Variants in ROBO2 observed in about 807,000 individuals in gnomAD.
The protein encoded by ROBO2 is roundabout homolog 2.
ROBO2 carries 53 observed loss-of-function variants against 160.8 expected under a neutral mutation model. That is an observed-to-expected ratio of 0.33 (90% CI 0.26 to 0.41). ROBO2 has a LOEUF of 0.41. Among genes scored for constraint, ROBO2 ranks in the 10% least tolerant of loss-of-function variants. The pLI is 1.00. For synonymous variants in ROBO2, 664 were observed against 611.7 expected (o/e 1.09, Z -1.26); for missense variants, 1,577 against 1,722.4 (o/e 0.92, Z 1.49).
chr3:76,981,287 C>A (rs1354828472), intron 2 of ROBO2, among the ~76,000 whole-genome samples: 2 of 152,090 alleles, frequency 1.3e-5, no homozygotes, highest in African/African-American at 2.4e-5. Flanking sequence ...GTGGCTATAC[C>A]ATTTCACATA....
chr3:77,190,459 C>T (rs553358672), intron 2 of ROBO2, among the ~76,000 whole-genome samples: 1 of 152,060 alleles, frequency 6.6e-6, no homozygotes, highest in Non-Finnish European at 1.5e-5. Context: ...CTGAATGCCT[C>T]CTTTTAGCGT....
intron 2 of ROBO2, among the ~76,000 whole-genome samples, chr3:77,295,160 CG>C (rs1350381950): frequency 6.9e-6 from 1 of 145,356 alleles, no homozygotes; most frequent in African/African-American, 2.6e-5. Flanking sequence ...GACGGTTAAA[CG>C]GGTAAGCTGA....
At chr3:76,376,107 T>C (rs747705231) in intron 2 of ROBO2, among the ~76,000 whole-genome samples, 8 of 152,156 alleles carry the variant, frequency 5.3e-5, no homozygotes, top group Non-Finnish European at 1.2e-4. Flanking sequence ...ATTTGTTGAA[T>C]GCTTTTCTAT....
chr3:76,206,591 A>G (rs1046860069), intron 2 of ROBO2, among the ~76,000 whole-genome samples: 2 of 152,024 alleles, frequency 1.3e-5, no homozygotes, highest in African/African-American at 4.8e-5. Context: ...TCCAACGTGC[A>G]TATAGACACT....
At chr3:76,071,244 CA>C (rs1162031360) in intron 2 of ROBO2, among the ~76,000 whole-genome samples, 4 of 152,230 alleles carry the variant, frequency 2.6e-5, no homozygotes, top group South Asian at 2.1e-4. Context: ...TCCTCTTTGT[CA>C]AAACTGTTCT....
intron 2 of ROBO2, among the ~76,000 whole-genome samples, chr3:76,886,090 C>G (rs56268504): frequency 0.051 from 7,826 of 152,190 alleles, 278 homozygotes; most frequent in South Asian, 0.15. Context: ...GCGCTTGATG[C>G]AGAGTGTTGA....
At chr3:76,122,903 A>G (rs1473209764) in intron 2 of ROBO2, among the ~76,000 whole-genome samples, 1 of 152,108 alleles carries the variant, frequency 6.6e-6, no homozygotes, top group Non-Finnish European at 1.5e-5. Flanking sequence ...GATTGCCACC[A>G]CATCCGGCTA....
At chr3:76,689,648 A>T (rs1325470248) in intron 2 of ROBO2, among the ~76,000 whole-genome samples, 2 of 152,200 alleles carry the variant, frequency 1.3e-5, no homozygotes, top group African/African-American at 2.4e-5. Flanking sequence ...ATAAACAATG[A>T]TCATCTCTAT....
intron 2 of ROBO2, among the ~76,000 whole-genome samples, chr3:76,041,903 ATGTCC>A (rs1163185541): frequency 6.6e-6 from 1 of 151,902 alleles, no homozygotes; most frequent in African/African-American, 2.4e-5. Flanking sequence ...AGTTTAAAAG[ATGTCC>A]TGTTTCTCTT....
At chr3:76,930,593 A>G (rs1056087180) in intron 2 of ROBO2, among the ~76,000 whole-genome samples, 2 of 152,180 alleles carry the variant, frequency 1.3e-5, no homozygotes, top group Non-Finnish European at 2.9e-5. Flanking sequence ...GACATTTATT[A>G]TGGAAGGTTG....
At chr3:76,517,606 A>T (rs1375631341) in intron 2 of ROBO2, among the ~76,000 whole-genome samples, 1 of 152,216 alleles carries the variant, frequency 6.6e-6, no homozygotes, top group African/African-American at 2.4e-5. Context: ...ATGCCTAAGT[A>T]TGTTATATCA....
intron 2 of ROBO2, among the ~76,000 whole-genome samples, chr3:76,344,252 A>T (rs547470174): frequency 6.6e-6 from 1 of 152,144 alleles, no homozygotes; most frequent in African/African-American, 2.4e-5. Context: ...ATTCAAGGGT[A>T]TTTACACTTC....
intron 2 of ROBO2, among the ~76,000 whole-genome samples, chr3:77,345,015 G>T (rs746011809): frequency 6.6e-6 from 1 of 152,056 alleles, no homozygotes; most frequent in Non-Finnish European, 1.5e-5. Flanking sequence ...CAATAAGCAT[G>T]TATTAGCCCT....
At chr3:76,162,653 AG>A (rs1382411672) in intron 2 of ROBO2, among the ~76,000 whole-genome samples, 1 of 152,176 alleles carries the variant, frequency 6.6e-6, no homozygotes, top group Non-Finnish European at 1.5e-5. Flanking sequence ...GTAGAAATAT[AG>A]GGAAATATAG....
chr3:76,669,021 A>G (rs1375488425), intron 2 of ROBO2, among the ~76,000 whole-genome samples: 1 of 152,092 alleles, frequency 6.6e-6, no homozygotes, highest in Non-Finnish European at 1.5e-5. Flanking sequence ...ACAGCGAGAG[A>G]GGGGCATGCT....
intron 2 of ROBO2, among the ~76,000 whole-genome samples, chr3:77,390,336 T>C (rs1483624641): frequency 6.6e-6 from 1 of 152,204 alleles, no homozygotes; most frequent in Non-Finnish European, 1.5e-5. Flanking sequence ...AGTTTGGCTG[T>C]GTCCCCAACC....
chr3:75,953,069 A>G (rs1019843269), intron 2 of ROBO2, among the ~76,000 whole-genome samples: 2 of 151,948 alleles, frequency 1.3e-5, no homozygotes, highest in Non-Finnish European at 2.9e-5. Flanking sequence ...AGGCTCCTAT[A>G]ACATTCATGG....
chr3:76,777,285 G>A (rs72894249), intron 2 of ROBO2, among the ~76,000 whole-genome samples: 2 of 151,096 alleles, frequency 1.3e-5, no homozygotes, highest in African/African-American at 2.4e-5. Flanking sequence ...TTTCACATTC[G>A]CTGTGTAAGT....
chr3:76,322,003 A>ACC (rs2072569485), intron 2 of ROBO2, among the ~76,000 whole-genome samples: 1 of 151,796 alleles, frequency 6.6e-6, no homozygotes, highest in Admixed American at 6.6e-5. Flanking sequence ...GTGCTAGAAT[A>ACC]AAGTTGTAGG....
Sources: allele counts gnomAD v4.1 joint callset (sites outside exome capture counted in the v4.1 genomes callset), GRCh38; gene constraint gnomAD v4.1.1; transcripts MANE v1.5; gene names NCBI Gene and HGNC (gene_info 2026-07-23, HGNC 2026-07-21).